The following MAML3 variants were observed in gnomAD, a reference collection of about 807,000 sequenced individuals.
MAML3 encodes the protein mastermind-like protein 3.
MAML3 carries 27 observed loss-of-function variants against 101.9 expected under a neutral mutation model. The ratio of observed to expected loss-of-function variants is 0.27; its 90% confidence interval spans 0.20 to 0.37. The LOEUF (loss-of-function observed/expected upper bound fraction) is 0.37. MAML3 is among the 10% of genes least tolerant of loss of function. MAML3 has a pLI of 1.00. For missense variants in MAML3, 1,316 were observed against 1,444.9 expected, an observed-to-expected ratio of 0.91 and a Z score of 1.45; for synonymous variants, 501 against 555.9, an observed-to-expected ratio of 0.90 and a Z score of 1.39.
At position 139,859,883 on chromosome 4, in the gene MAML3, AT is replaced by A. The variant is rs1047157867; in HGVS notation, c.2079+29473del. On this transcript the variant is annotated intron_variant, in intron 2 of 4. Transcript: ENST00000509479. ...TCGAGAAGGTTTTAAACGTGTAAAG[AT>A]TTTTTTTAGGGAAACCGTCTGTACG... Among the ~76,000 whole-genome samples, 4 of 152,150 alleles carry A rather than the reference AT, an allele frequency of 2.6e-5. No individual in the cohort carries two copies. The South Asian group carries it at 6.2e-4, about 24-fold the overall frequency.
intron 2 of MAML3, among the ~76,000 whole-genome samples, chr4:139,828,037 G>A (rs1025861035): frequency 3.3e-5 from 5 of 152,228 alleles, no homozygotes; most frequent in Non-Finnish European, 5.9e-5. Context: ...CTGCCAAGAT[G>A]TTATTTGTCT....
At chr4:139,910,469 C>G (rs528623461) in intron 1 of MAML3, among the ~76,000 whole-genome samples, 10 of 152,170 alleles carry the variant, frequency 6.6e-5, no homozygotes, top group Non-Finnish European at 1.3e-4. Flanking sequence ...AAATTAAATT[C>G]AAATTTATTT....
chr4:140,143,491 G>A (rs940920501), intron 1 of MAML3, among the ~76,000 whole-genome samples: 4 of 152,164 alleles, frequency 2.6e-5, no homozygotes, highest in African/African-American at 7.2e-5. Context: ...GGCCAGGCGC[G>A]GTGGCTCACA....
chr4:140,067,200 G>GGTGT (rs34701956), intron 1 of MAML3, among the ~76,000 whole-genome samples: 9,872 of 149,770 alleles, frequency 0.066, 482 homozygotes, highest in East Asian at 0.25. Context: ...AAATTTTAGG[G>GGTGT]GTGTGTGTGT....
intron 1 of MAML3, among the ~76,000 whole-genome samples, chr4:140,044,713 T>C (rs1487395301): frequency 3.9e-5 from 6 of 152,122 alleles, no homozygotes; most frequent in African/African-American, 1.2e-4. Context: ...CAAGAAATGG[T>C]AAAATGCTTA....
chr4:139,801,208 T>A (rs901424016), intron 2 of MAML3, among the ~76,000 whole-genome samples: 5 of 152,244 alleles, frequency 3.3e-5, no homozygotes, highest in Admixed American at 2.6e-4. Flanking sequence ...TTGCCTGACA[T>A]GGCCCCCAAA....
Position 139,889,751 on chromosome 4 carries a change from T to C in MAML3, c.1685A>G (p.Gln562Arg), listed in dbSNP as rs2111197213. Residue 562 changes from glutamine (Q) to arginine (R), a missense_variant, in exon 2 of 5, where the codon CAG (glutamine) becomes CGG (arginine). Coordinates refer to ENST00000509479, the MANE Select transcript of MAML3 (RefSeq NM_018717.5). ...GAGGTAGTTATTCATTGTTGTCTTC[T>C]GCAGGTTGTTTGCCATTGGAGGCAC... ...PIVPPMANNLQKTTMNNYLPQ... is the reference protein window; with the variant it reads ...PIVPPMANNLRKTTMNNYLPQ... 1 of 1,614,060 alleles carries C rather than the reference T, an allele frequency of 6.2e-7. No individual in the cohort carries two copies. The highest frequency in any genetic ancestry group is 2.2e-5 in the East Asian group (1 of 44,888).
At position 140,151,341 on chromosome 4, in the gene MAML3, T is replaced by C. The variant is rs183433504; in HGVS notation, c.468+1519A>G. Among the ~76,000 whole-genome samples, 28 of 151,912 alleles carry C rather than the reference T, an allele frequency of 1.8e-4. No homozygotes were observed. In the East Asian group the frequency reaches 4.7e-3, roughly 25 times the overall value. ...GAGAACTGGGAGGAGGGAAGGATTC[T>C]TGAAGCCCAAGATAAACAAATTGTT... On this transcript the variant is annotated intron_variant, in intron 1 of 4. Coordinates refer to ENST00000509479, the MANE Select transcript of MAML3 (RefSeq NM_018717.5).
chr4:139,846,179 A>G (rs1731442809), intron 2 of MAML3, among the ~76,000 whole-genome samples: 1 of 152,180 alleles, frequency 6.6e-6, no homozygotes, highest in Non-Finnish European at 1.5e-5. Flanking sequence ...AGCCTTGGTG[A>G]CTAAACTATG....
intron 2 of MAML3, among the ~76,000 whole-genome samples, chr4:139,782,618 G>A (rs1040699658): frequency 3.3e-5 from 5 of 152,196 alleles, no homozygotes; most frequent in African/African-American, 1.2e-4. Flanking sequence ...CTAAATGGAG[G>A]TGGGCCTTCC....
At chr4:140,093,749 T>C (rs950348995) in intron 1 of MAML3, among the ~76,000 whole-genome samples, 1 of 152,048 alleles carries the variant, frequency 6.6e-6, no homozygotes, top group African/African-American at 2.4e-5. Context: ...CTTTAAATAG[T>C]TTGTTTACTC....
In MAML3 at chr4:140,049,623, G is replaced by A. The variant is rs531212521; in HGVS notation, c.468+103237C>T. Among the ~76,000 whole-genome samples, 81 of 152,018 alleles carry A rather than the reference G, an allele frequency of 5.3e-4. 2 individuals carry two copies. The South Asian group carries it at 0.014, about 26-fold the overall frequency. ...ATGGGGGAAGAGCAAAGACTGGACA[G>A]GAGTTATTTTTAATGAGTATCTACG... On this transcript the variant is annotated intron_variant, in intron 1 of 4. Coordinates refer to ENST00000509479, the MANE Select transcript of MAML3 (RefSeq NM_018717.5).
intron 2 of MAML3, among the ~76,000 whole-genome samples, chr4:139,822,749 C>G (rs183073088): frequency 3.9e-5 from 6 of 152,338 alleles, no homozygotes; most frequent in African/African-American, 1.4e-4. Context: ...GAACCCTAAT[C>G]AGGGAGGAAG....
intron 1 of MAML3, among the ~76,000 whole-genome samples, chr4:139,926,532 G>C (rs1295366488): frequency 6.6e-6 from 1 of 152,140 alleles, no homozygotes; most frequent in Admixed American, 6.5e-5. Flanking sequence ...CCTGGGAGGC[G>C]GAGCTTGCAG....
chr4:139,798,189 T>A (rs114014237), intron 2 of MAML3, among the ~76,000 whole-genome samples: 2,172 of 152,296 alleles, frequency 0.014, 28 homozygotes, highest in Non-Finnish European at 0.021. Context: ...CTTTCTTTTG[T>A]TGAAATGTTT....
chr4:139,852,874 G>GT (rs1731583623), intron 2 of MAML3, among the ~76,000 whole-genome samples: 1 of 152,190 alleles, frequency 6.6e-6, no homozygotes, highest in Non-Finnish European at 1.5e-5. Context: ...CCTTAGGTTT[G>GT]TCTCCTTGCT....
intron 1 of MAML3, among the ~76,000 whole-genome samples, chr4:140,131,950 A>T (rs1258346343): frequency 6.6e-6 from 1 of 152,250 alleles, no homozygotes; most frequent in East Asian, 1.9e-4. Context: ...CAGAGATGTC[A>T]TCATTTCCAT....
rs549847651 is a variant in MAML3 at position 140,143,359 on chromosome 4, G to A, written c.468+9501C>T. ...CATTTGGGCAGAAGGCAACAACTAAGTGAAATGAAAGTCACTCATTAAAAT... is the reference window on the plus strand; with the variant it reads ...CATTTGGGCAGAAGGCAACAACTAAATGAAATGAAAGTCACTCATTAAAAT... On this transcript the variant is annotated intron_variant, in intron 1 of 4. Transcript: ENST00000509479. Among the ~76,000 whole-genome samples, 176 of 152,346 alleles carry A rather than the reference G, an allele frequency of 1.2e-3. 1 individual carries two copies. The South Asian group carries it at 0.019, about 17-fold the overall frequency.
chr4:139,825,259 AG>A (rs1027455531), intron 2 of MAML3, among the ~76,000 whole-genome samples: 10 of 152,142 alleles, frequency 6.6e-5, no homozygotes, highest in Non-Finnish European at 1.2e-4. Flanking sequence ...GGGTGGGGTG[AG>A]GGGTGGCTGT....
Sources: allele counts gnomAD v4.1 joint callset (sites outside exome capture counted in the v4.1 genomes callset), GRCh38; gene constraint gnomAD v4.1.1; transcripts MANE v1.5; gene names NCBI Gene and HGNC (gene_info 2026-07-23, HGNC 2026-07-21).